TENM1: variants seen among roughly 807,000 people sequenced by gnomAD.
TENM1 encodes teneurin transmembrane protein 1.
A neutral mutation model predicts 174.8 loss-of-function variants in TENM1; 35 were observed. That is an observed-to-expected ratio of 0.20 (90% confidence interval 0.15 to 0.27). The LOEUF (loss-of-function observed/expected upper bound fraction) is 0.27, where lower values mean the gene tolerates loss of function less well. Among genes scored for constraint, TENM1 ranks in the 10% least tolerant of loss-of-function variants. The pLI is 1.00. For missense variants in TENM1, 1,633 were observed against 2,130.1 expected (o/e 0.77, Z 4.59); for synonymous variants, 781 against 798.7 (o/e 0.98, Z 0.37).
chrX:125,181,075 C>G, the TENM1 span, among the ~76,000 whole-genome samples: 1 of 111,815 alleles, frequency 8.9e-6, no homozygotes, highest in African/African-American at 3.3e-5. Context: ...AGAATAGTGG[C>G]AGAAGTAATA....
chrX:124,609,977 T>C (rs2050246019), intron 11 of TENM1, among the ~76,000 whole-genome samples: 1 of 111,800 alleles, frequency 8.9e-6, no homozygotes. Context: ...GAGTACCATG[T>C]TGTGATCGCT....
intron 3 of TENM1, among the ~76,000 whole-genome samples, chrX:124,789,632 C>T (rs183660867): frequency 1.4e-3 from 156 of 111,460 alleles, no homozygotes; most frequent in African/African-American, 4.8e-3. Context: ...AGTCTCTTTG[C>T]TAAAACATAA....
intron 15 of TENM1, among the ~76,000 whole-genome samples, chrX:124,535,960 T>G (rs2148085926): frequency 9.0e-6 from 1 of 111,636 alleles, no homozygotes; most frequent in South Asian, 3.8e-4. Flanking sequence ...TCATCAGGAG[T>G]GTTTTGTTTG....
At chrX:124,429,500 G>A (rs906389875) in intron 23 of TENM1, among the ~76,000 whole-genome samples, 1 of 110,988 alleles carries the variant, frequency 9.0e-6, no homozygotes, top group Non-Finnish European at 1.9e-5. Flanking sequence ...GGAGTTTGGG[G>A]CAAGATTCCT....
intron 1 of TENM1, among the ~76,000 whole-genome samples, chrX:124,953,938 G>A (rs934693505): frequency 9.0e-6 from 1 of 111,610 alleles, no homozygotes; most frequent in Admixed American, 9.5e-5. Context: ...GAATGAATGC[G>A]CAGAGGCAAG....
chrX:124,768,739 T>C (rs1323210939), intron 3 of TENM1, among the ~76,000 whole-genome samples: 1 of 112,542 alleles, frequency 8.9e-6, no homozygotes, highest in African/African-American at 3.2e-5. Flanking sequence ...GAACCAATGG[T>C]GAAAAATGCA....
chrX:124,515,540 T>C (rs112381504), intron 18 of TENM1, among the ~76,000 whole-genome samples: 2 of 111,162 alleles, frequency 1.8e-5, no homozygotes, highest in African/African-American at 6.5e-5. Flanking sequence ...AGCATTCCTA[T>C]ACACCACCAA....
At position 124,597,331 on chromosome X, in the gene TENM1, T is replaced by C. The variant is rs1180828202; in HGVS notation, c.2078-31771A>G. Among the ~76,000 whole-genome samples the C allele has an allele frequency of 2.7e-5, 3 of 112,131 alleles. No individual in the cohort carries two copies. In the East Asian group the frequency reaches 8.4e-4, roughly 31 times the overall value. On this transcript the variant is annotated intron_variant, in intron 11 of 31. Transcript: ENST00000422452. The stretch of plus-strand genomic sequence containing the variant: ...AATGTGGTATATAAATACCATGGAA[T>C]AATACTCAGCCATAAAAAGGAACAA...
chrX:125,074,876 T>C, the TENM1 span, among the ~76,000 whole-genome samples: 1 of 112,024 alleles, frequency 8.9e-6, no homozygotes, highest in East Asian at 2.8e-4. Flanking sequence ...AAAACTCCAG[T>C]TCCTTCAGGA....
At chrX:124,881,654 TC>T (rs752442142) in intron 3 of TENM1, among the ~76,000 whole-genome samples, 2 of 111,115 alleles carry the variant, frequency 1.8e-5, no homozygotes, top group Non-Finnish European at 3.8e-5. Flanking sequence ...CGCATTTTTT[TC>T]CCATAAACTT....
At chrX:124,839,254 T>C (rs764893793) in intron 3 of TENM1, among the ~76,000 whole-genome samples, 2 of 111,909 alleles carry the variant, frequency 1.8e-5, no homozygotes, top group Non-Finnish European at 3.8e-5. Context: ...TTATGGGTAC[T>C]TACATATATA....
the TENM1 span, among the ~76,000 whole-genome samples, chrX:124,982,313 G>A: frequency 7.5e-5 from 7 of 93,025 alleles, no homozygotes; most frequent in African/African-American, 2.5e-4. Context: ...AAGCAACCAA[G>A]TGAACTAAAA....
chrX:124,861,482 C>T (rs2056910897), intron 3 of TENM1, among the ~76,000 whole-genome samples: 1 of 111,921 alleles, frequency 8.9e-6, no homozygotes. Flanking sequence ...TTAGTAAAAT[C>T]TCACTTTAAC....
intron 11 of TENM1, among the ~76,000 whole-genome samples, chrX:124,639,531 GA>G (rs1289825162): frequency 9.0e-6 from 1 of 111,505 alleles, no homozygotes; most frequent in East Asian, 2.8e-4. Flanking sequence ...ATAAATTTTA[GA>G]GGACAGTGCA....
At chrX:124,744,473 C>T (rs1040652192) in intron 3 of TENM1, among the ~76,000 whole-genome samples, 4 of 111,825 alleles carry the variant, frequency 3.6e-5, no homozygotes, top group Admixed American at 2.9e-4. Context: ...TGGCCAAAGC[C>T]TTTTCACTAT....
intron 3 of TENM1, among the ~76,000 whole-genome samples, chrX:124,813,381 A>C (rs1020558208): frequency 2.7e-5 from 3 of 111,758 alleles, no homozygotes; most frequent in Non-Finnish European, 5.7e-5. Flanking sequence ...ATGGAGGGCA[A>C]TTTGACAATA....
At chrX:124,836,308 A>G (rs1222708922) in intron 3 of TENM1, among the ~76,000 whole-genome samples, 2 of 111,592 alleles carry the variant, frequency 1.8e-5, no homozygotes, top group Non-Finnish European at 3.8e-5. Flanking sequence ...TCTTTGAAGT[A>G]GGAGAAGTTG....
At chrX:124,915,597 C>T (rs1040600172) in intron 1 of TENM1, among the ~76,000 whole-genome samples, 1 of 112,144 alleles carries the variant, frequency 8.9e-6, no homozygotes, top group Non-Finnish European at 1.9e-5. Context: ...AACCAGTATC[C>T]AAAAAACTTT....
chrX:124,438,083 A>T lies in TENM1; in HGVS notation c.4104+15254T>A, dbSNP rs185240180. Reference sequence around the variant, plus strand: ...AATTTAGTTAGGCCAACTGGCTTGCATTGGGACTCAGCACAGGATGTTATC... The same window carrying T: ...AATTTAGTTAGGCCAACTGGCTTGCTTTGGGACTCAGCACAGGATGTTATC... On this transcript the variant is annotated intron_variant, in intron 23 of 31. Transcript: ENST00000422452. 1.1e-3 allele frequency among the ~76,000 whole-genome samples: 126 copies of T among 111,774 alleles called. 1 individual carries two copies. Among genetic ancestry groups the T allele is most frequent in the East Asian group, 3.4e-3 (12 of 3,555 alleles).
Sources: gnomAD v4.1 joint callset for allele counts (sites outside exome capture counted in the v4.1 genomes callset) on GRCh38, gnomAD v4.1.1 for gene constraint, MANE v1.5 for transcripts, NCBI Gene and HGNC (gene_info 2026-07-23, HGNC 2026-07-21) for gene names.